CELF2: variants seen among roughly 807,000 people sequenced by gnomAD.
CELF2 encodes CUGBP Elav-like family member 2.
In CELF2, 8 loss-of-function variants were observed where a neutral mutation model predicts 62.6. The ratio of observed to expected loss-of-function variants is 0.13; its 90% CI spans 0.07 to 0.23. The LOEUF is 0.23. Ranked by LOEUF, CELF2 falls within the 10% of genes least tolerant of loss-of-function variation. CELF2 has a pLI of 1.00. For synonymous variants in CELF2, 258 were observed against 250.0 expected (o/e 1.03, Z -0.30); for missense variants, 333 against 671.0 (o/e 0.50, Z 5.56).
intron 2 of CELF2, among the ~76,000 whole-genome samples, chr10:10,943,753 T>G (rs1252326833): frequency 6.7e-6 from 1 of 149,148 alleles, no homozygotes; most frequent in African/African-American, 2.5e-5. Flanking sequence ...CACACACCAC[T>G]ACTCCCAGCT....
At chr10:10,480,078 G>C in the CELF2 span, among the ~76,000 whole-genome samples, 5 of 152,086 alleles carry the variant, frequency 3.3e-5, no homozygotes, top group African/African-American at 1.2e-4. Context: ...GACTTCAGCG[G>C]GTCTTCGGAA....
the CELF2 span, among the ~76,000 whole-genome samples, chr10:10,585,839 T>G: frequency 6.6e-6 from 1 of 152,162 alleles, no homozygotes; most frequent in Non-Finnish European, 1.5e-5. Context: ...AATACCAATT[T>G]GCAGCAACTG....
chr10:11,018,433 T>G (rs961336359), intron 1 of CELF2, among the ~76,000 whole-genome samples: 4 of 147,918 alleles, frequency 2.7e-5, no homozygotes, highest in Non-Finnish European at 6.0e-5. Context: ...CGAGTCCGGG[T>G]GAGGACCAGC....
At chr10:10,831,538 A>T (rs2057857685) in intron 1 of CELF2, among the ~76,000 whole-genome samples, 1 of 152,216 alleles carries the variant, frequency 6.6e-6, no homozygotes, top group African/African-American at 2.4e-5. Flanking sequence ...GGGATATGAG[A>T]CAGCCATCAT....
intron 1 of CELF2, among the ~76,000 whole-genome samples, chr10:11,101,110 G>A (rs1317086708): frequency 6.6e-6 from 1 of 152,180 alleles, no homozygotes; most frequent in Admixed American, 6.5e-5. Context: ...TGGATATGGA[G>A]GGTGAGAGAT....
chr10:10,721,963 G>A, the CELF2 span, among the ~76,000 whole-genome samples: 1 of 152,094 alleles, frequency 6.6e-6, no homozygotes, highest in Non-Finnish European at 1.5e-5. Flanking sequence ...GATTAAACGA[G>A]GCATAGTTCA....
the CELF2 span, among the ~76,000 whole-genome samples, chr10:10,677,749 T>G: frequency 1.3e-5 from 2 of 152,196 alleles, no homozygotes; most frequent in African/African-American, 4.8e-5. Context: ...CAAAGATGGC[T>G]GACTCAGGCT....
At chr10:11,038,682 A>T (rs2061352975) in intron 1 of CELF2, among the ~76,000 whole-genome samples, 1 of 152,226 alleles carries the variant, frequency 6.6e-6, no homozygotes, top group South Asian at 2.1e-4. Context: ...CACATTACAC[A>T]TATATATTTA....
intron 1 of CELF2, among the ~76,000 whole-genome samples, chr10:11,103,922 T>C (rs1204007326): frequency 6.6e-6 from 1 of 152,182 alleles, no homozygotes; most frequent in Non-Finnish European, 1.5e-5. Flanking sequence ...GGGTAGAATT[T>C]ACTGACTCCT....
chr10:10,692,319 A>G, the CELF2 span, among the ~76,000 whole-genome samples: 11 of 151,474 alleles, frequency 7.3e-5, no homozygotes, highest in Non-Finnish European at 1.3e-4. Flanking sequence ...AGATAGTTGT[A>G]GATATGTGGC....
intron 2 of CELF2, among the ~76,000 whole-genome samples, chr10:10,988,470 T>C (rs1203136490): frequency 6.6e-6 from 1 of 152,028 alleles, no homozygotes; most frequent in African/African-American, 2.4e-5. Context: ...GCCATGAGGA[T>C]ACAAAGGCAT....
At position 10,983,591 on chromosome 10, in the gene CELF2, A is replaced by T. The variant is rs889429849; in HGVS notation, c.89+63592A>T. ...GGTTTTTGGTTTATTTTTTTGAGAC[A>T]GAGTCTCACTCTGCTGCCCAGGCTG... On this transcript the variant is annotated intron_variant, in intron 2 of 13. Coordinates refer to the CELF2 transcript ENST00000636488. This position sits in a 1 kb window ranked among gnomAD's most constrained non-coding sequence, Gnocchi z 5.2. Among the ~76,000 whole-genome samples the T allele has an allele frequency of 6.6e-6, 1 of 152,202 alleles. No individual in the cohort carries two copies. Among genetic ancestry groups the T allele is most frequent in the Non-Finnish European group, 1.5e-5 (1 of 68,034 alleles).
chr10:10,855,187 T>C (rs975339197), intron 1 of CELF2, among the ~76,000 whole-genome samples: 1 of 152,030 alleles, frequency 6.6e-6, no homozygotes, highest in African/African-American at 2.4e-5. Flanking sequence ...ACACTGGGGG[T>C]CTGCAGGCCC....
At chr10:11,022,927 A>G (rs957974251) in intron 1 of CELF2, among the ~76,000 whole-genome samples, 1 of 152,218 alleles carries the variant, frequency 6.6e-6, no homozygotes, top group African/African-American at 2.4e-5. Flanking sequence ...TTCCGTATCT[A>G]ATTTGCATTT....
chr10:10,899,057 A>G (rs1035161284), intron 1 of CELF2, among the ~76,000 whole-genome samples: 4 of 152,232 alleles, frequency 2.6e-5, no homozygotes, highest in African/African-American at 9.6e-5. Flanking sequence ...GAAATACAGC[A>G]CATCCAAAGA....
rs762071336 is a variant in CELF2 at position 10,995,994 on chromosome 10, A to G, written c.89+75995A>G. Among the ~76,000 whole-genome samples the G allele has an allele frequency of 2.0e-5, 3 of 152,218 alleles. No homozygotes were observed. Among genetic ancestry groups the G allele is most frequent in the African/African-American group, 7.2e-5 (3 of 41,456 alleles). ...AGTCTGTGAATATTCCATGAGCTAA[A>G]CACTTAGGTGAACTTTCCTGTAAGT... On this transcript the variant is annotated intron_variant, in intron 2 of 13. Coordinates refer to the CELF2 transcript ENST00000636488. The surrounding 1 kb of genome is among the most constrained non-coding windows in gnomAD (Gnocchi z 4.7).
chr10:10,897,902 A>G (rs1303969107), intron 1 of CELF2, among the ~76,000 whole-genome samples: 19 of 152,204 alleles, frequency 1.2e-4, no homozygotes, highest in Non-Finnish European at 2.8e-4. Context: ...AAAGAAAAGA[A>G]AGACCTCCAG....
At chr10:11,137,684 C>G (rs1393556738) in intron 1 of CELF2, among the ~76,000 whole-genome samples, 1 of 152,206 alleles carries the variant, frequency 6.6e-6, no homozygotes, top group Non-Finnish European at 1.5e-5. Context: ...GTTAAAAGAG[C>G]CTACTGCGTG....
the CELF2 span, among the ~76,000 whole-genome samples, chr10:10,673,246 C>T: frequency 1.3e-5 from 2 of 151,998 alleles, no homozygotes; most frequent in African/African-American, 4.8e-5. Flanking sequence ...AAATTTGTTT[C>T]TCCTTTCGCT....
Sources: gnomAD v4.1 joint callset for allele counts (sites outside exome capture counted in the v4.1 genomes callset) on GRCh38, gnomAD v4.1.1 for gene constraint, Gnocchi (gnomAD v3.1) non-coding constraint, MANE v1.5 for transcripts, NCBI Gene and HGNC (gene_info 2026-07-23, HGNC 2026-07-21) for gene names.